Variants in DPP10 observed in about 807,000 individuals in gnomAD.
The protein encoded by DPP10 is dipeptidyl peptidase like 10.
A neutral mutation model predicts 120.9 loss-of-function variants in DPP10; 33 were observed. That is an observed-to-expected ratio of 0.27 (90% CI 0.21 to 0.37). The LOEUF is 0.37. Among genes scored for constraint, DPP10 ranks in the 10% least tolerant of loss-of-function variants. DPP10 has a pLI of 1.00. For missense variants in DPP10, 816 were observed against 942.8 expected (o/e 0.87, Z 1.76); for synonymous variants, 337 against 326.1 (o/e 1.03, Z -0.36).
chr2:115,014,426 T>C (rs900445901), intron 1 of DPP10, among the ~76,000 whole-genome samples: 4 of 151,856 alleles, frequency 2.6e-5, no homozygotes, highest in African/African-American at 4.8e-5. Flanking sequence ...AACATGATAA[T>C]TAAAAGAACT....
chr2:115,690,295 T>A (rs1403043126), intron 7 of DPP10, among the ~76,000 whole-genome samples: 7 of 152,156 alleles, frequency 4.6e-5, no homozygotes, highest in African/African-American at 1.7e-4. Context: ...AGGGTAAAAA[T>A]TTAGACAGAA....
chr2:115,026,103 A>G (rs893381146), intron 1 of DPP10, among the ~76,000 whole-genome samples: 11 of 152,132 alleles, frequency 7.2e-5, no homozygotes, highest in Admixed American at 6.6e-4. Flanking sequence ...GTCCAGAAAA[A>G]TATACTAGAA....
intron 1 of DPP10, among the ~76,000 whole-genome samples, chr2:114,846,386 G>T (rs1477800100): frequency 6.6e-6 from 1 of 152,088 alleles, no homozygotes; most frequent in Non-Finnish European, 1.5e-5. Context: ...ATTATAAAGT[G>T]TCAGAAATAT....
chr2:114,677,809 A>G (rs943524353), intron 1 of DPP10, among the ~76,000 whole-genome samples: 1 of 152,144 alleles, frequency 6.6e-6, no homozygotes, highest in Non-Finnish European at 1.5e-5. Flanking sequence ...AAAAGAAAAC[A>G]TGTTTAATCT....
chr2:115,333,490 C>T (rs1030244061), intron 2 of DPP10, among the ~76,000 whole-genome samples: 1 of 152,020 alleles, frequency 6.6e-6, no homozygotes, highest in East Asian at 1.9e-4. Context: ...TTATTTTGCT[C>T]GTTAGTTGAT....
intron 1 of DPP10, among the ~76,000 whole-genome samples, chr2:114,548,595 A>G (rs924450576): frequency 3.0e-4 from 45 of 152,314 alleles, no homozygotes; most frequent in African/African-American, 1.1e-3. Context: ...CAAGCATGGA[A>G]ATCTAGGTTG....
At chr2:114,729,623 T>C (rs80035865) in intron 1 of DPP10, among the ~76,000 whole-genome samples, 5,030 of 152,320 alleles carry the variant, frequency 0.033, 128 homozygotes, top group Middle Eastern at 0.068. Flanking sequence ...TCAGATCTAC[T>C]GAATCAGAAG....
At chr2:115,465,435 T>C (rs929948832) in intron 3 of DPP10, among the ~76,000 whole-genome samples, 25 of 152,204 alleles carry the variant, frequency 1.6e-4, no homozygotes, top group Non-Finnish European at 3.2e-4. Flanking sequence ...GTCAAAGTAT[T>C]ACACACAGAA....
chr2:114,963,828 A>T (rs746781132), intron 1 of DPP10, among the ~76,000 whole-genome samples: 2 of 152,214 alleles, frequency 1.3e-5, no homozygotes, highest in Non-Finnish European at 2.9e-5. Context: ...CAATAGCTAG[A>T]TAAGAAGTGA....
intron 5 of DPP10, among the ~76,000 whole-genome samples, chr2:115,629,112 C>A (rs1051508581): frequency 1.3e-5 from 2 of 151,978 alleles, no homozygotes; most frequent in Admixed American, 6.6e-5. Context: ...GATAGTTTCC[C>A]GCTTCATCCA....
chr2:115,767,163 G>A (rs751764704), intron 12 of DPP10, among the ~76,000 whole-genome samples: 1 of 152,148 alleles, frequency 6.6e-6, no homozygotes, highest in South Asian at 2.1e-4. Flanking sequence ...AAAGAGATAA[G>A]AGGAAGATCC....
chr2:114,907,383 AAAAT>A (rs1442426845), intron 1 of DPP10, among the ~76,000 whole-genome samples: 2 of 152,076 alleles, frequency 1.3e-5, no homozygotes, highest in African/African-American at 4.8e-5. Flanking sequence ...CTTAGCAAGA[AAAAT>A]AACGCTATTT....
chr2:115,591,477 T>G (rs183815042), intron 5 of DPP10, among the ~76,000 whole-genome samples: 68 of 152,328 alleles, frequency 4.5e-4, no homozygotes, highest in South Asian at 1.7e-3. Flanking sequence ...ATGTGTGGTA[T>G]TATTTCTGCA....
At chr2:114,450,623 G>C (rs1678209162) in intron 1 of DPP10, among the ~76,000 whole-genome samples, 1 of 151,316 alleles carries the variant, frequency 6.6e-6, no homozygotes, top group Admixed American at 6.6e-5. Flanking sequence ...AACTAAACCT[G>C]TTACTTTGAA....
At chr2:115,639,216 G>A (rs181016547) in intron 5 of DPP10, among the ~76,000 whole-genome samples, 26 of 152,306 alleles carry the variant, frequency 1.7e-4, no homozygotes, top group Non-Finnish European at 3.2e-4. Context: ...CCTTCTGAAA[G>A]TAGTAGCTTC....
chr2:115,833,434 T>G (rs894770784), intron 21 of DPP10, among the ~76,000 whole-genome samples: 1 of 152,142 alleles, frequency 6.6e-6, no homozygotes, highest in African/African-American at 2.4e-5. Context: ...TCGCCCATCT[T>G]TATGACAGAG....
intron 1 of DPP10, among the ~76,000 whole-genome samples, chr2:114,659,674 T>C (rs1697247323): frequency 6.6e-6 from 1 of 152,170 alleles, no homozygotes; most frequent in Non-Finnish European, 1.5e-5. Flanking sequence ...TAGAAATACA[T>C]GTTGAAGCCC....
intron 1 of DPP10, among the ~76,000 whole-genome samples, chr2:114,515,071 C>G (rs1684478313): frequency 6.6e-6 from 1 of 152,100 alleles, no homozygotes. Context: ...TCTTCTTTTT[C>G]TGTATGTTCC....
chr2:115,243,163 C>T (rs576515258), intron 1 of DPP10, among the ~76,000 whole-genome samples: 1 of 152,250 alleles, frequency 6.6e-6, no homozygotes, highest in African/African-American at 2.4e-5. Flanking sequence ...ATCACCTTGC[C>T]AGCCTCCAAT....
Sources: allele counts gnomAD v4.1 joint callset (sites outside exome capture counted in the v4.1 genomes callset), GRCh38; gene constraint gnomAD v4.1.1; transcripts MANE v1.5; gene names NCBI Gene and HGNC (gene_info 2026-07-23, HGNC 2026-07-21).